Variants in TMEM266 observed in about 807,000 individuals in gnomAD.
TMEM266 encodes transmembrane protein 266.
A neutral mutation model predicts 50.5 loss-of-function variants in TMEM266; 33 were observed. The observed-to-expected ratio is 0.65, with a 90% CI of 0.50 to 0.87. TMEM266 has a LOEUF of 0.87. Ranked by LOEUF, TMEM266 falls within the 40% of genes least tolerant of loss-of-function variation. The pLI is 0.00. For synonymous variants in TMEM266, 310 were observed against 292.3 expected (o/e 1.06, Z -0.62); for missense variants, 655 against 695.1 (o/e 0.94, Z 0.65).
intron 1 of TMEM266, among the ~76,000 whole-genome samples, chr15:76,078,252 T>G (rs112439479): frequency 1.3e-5 from 2 of 152,046 alleles, no homozygotes. Context: ...GCCTCTTTGC[T>G]TTGATTCCAT....
intron 1 of TMEM266, among the ~76,000 whole-genome samples, chr15:76,078,897 G>A (rs974973059): frequency 1.3e-5 from 2 of 152,234 alleles, no homozygotes; most frequent in African/African-American, 2.4e-5. Context: ...AGGCTCTGGG[G>A]GAAAATTCTT....
chr15:76,151,121 C>A (rs975629788), intron 3 of TMEM266, among the ~76,000 whole-genome samples: 1 of 152,188 alleles, frequency 6.6e-6, no homozygotes, highest in East Asian at 1.9e-4. Flanking sequence ...CATTGGGAAA[C>A]GCCTGCCCTC....
intron 1 of TMEM266, among the ~76,000 whole-genome samples, chr15:76,090,346 G>T (rs1198837494): frequency 2.6e-5 from 4 of 151,888 alleles, no homozygotes; most frequent in Non-Finnish European, 4.4e-5. Flanking sequence ...ACAAAAATTA[G>T]CCAGGCATGG....
chr15:76,092,058 T>C (rs1389796597), intron 1 of TMEM266, among the ~76,000 whole-genome samples: 3 of 151,946 alleles, frequency 2.0e-5, no homozygotes, highest in Non-Finnish European at 4.4e-5. Flanking sequence ...TGAAGCAGGC[T>C]AAAATATAGT....
Position 76,160,301 on chromosome 15 carries a change from A to C in TMEM266, c.456+133A>C, listed in dbSNP as rs2142050625. The stretch of plus-strand genomic sequence containing the variant: ...CCCTTGAGGCTGCTGGGAGGGAGAC[A>C]CAATATAGATAGATGATCTCTGCGG... On this transcript the variant is annotated intron_variant, in intron 5 of 10. Transcript: ENST00000388942. The surrounding 1 kb of genome is among the most constrained non-coding windows in gnomAD (Gnocchi z 5.7). The C allele has an allele frequency of 1.1e-6, 1 of 914,358 alleles. No homozygotes were observed. The highest frequency in any genetic ancestry group is 2.2e-4 in the Middle Eastern group (1 of 4,482). The allele number at this position is 914,358 out of a possible 1,614,324, so 56.6% of individuals were successfully genotyped here.
intron 5 of TMEM266, among the ~76,000 whole-genome samples, chr15:76,162,652 G>A (rs2038036327): frequency 6.6e-6 from 1 of 152,198 alleles, no homozygotes; most frequent in Non-Finnish European, 1.5e-5. Context: ...CTGGACCTAG[G>A]GCTCTGGGCA....
intron 1 of TMEM266, among the ~76,000 whole-genome samples, chr15:76,124,791 T>C (rs1244434674): frequency 6.6e-6 from 1 of 151,716 alleles, no homozygotes; most frequent in Non-Finnish European, 1.5e-5. Context: ...GGAGTGAGAC[T>C]CTCTCTAAAC....
chr15:76,064,694 T>G (rs538094252), intron 1 of TMEM266, among the ~76,000 whole-genome samples: 1 of 152,336 alleles, frequency 6.6e-6, no homozygotes, highest in South Asian at 2.1e-4. Context: ...TAGAAACTAC[T>G]TAGTAGCTAG....
chr15:76,060,472 C>T (rs1340097562), intron 1 of TMEM266, among the ~76,000 whole-genome samples: 1 of 152,094 alleles, frequency 6.6e-6, no homozygotes, highest in Admixed American at 6.5e-5. Context: ...GGATTTGTGG[C>T]TTGGTTGGTC....
At position 76,149,664 on chromosome 15, in the gene TMEM266, G is replaced by C. The variant is rs184959327; in HGVS notation, c.228-6940G>C. On this transcript the variant is annotated intron_variant, in intron 3 of 10. Coordinates refer to ENST00000388942, the MANE Select transcript of TMEM266 (RefSeq NM_152335.3). The stretch of plus-strand genomic sequence containing the variant: ...GATTGCACTCAGAGTTCAGTCAGTG[G>C]TACAACTGTGATTTGGAGACAGTAG... 3.9e-5 allele frequency among the ~76,000 whole-genome samples: 6 copies of C among 152,316 alleles called. No homozygotes were observed. In the East Asian group the frequency reaches 7.7e-4, roughly 20 times the overall value.
intron 1 of TMEM266, among the ~76,000 whole-genome samples, chr15:76,125,904 A>G (rs2037415955): frequency 6.6e-6 from 1 of 151,882 alleles, no homozygotes; most frequent in African/African-American, 2.4e-5. Context: ...TCCTGAATAA[A>G]CATTTCTCCA....
At chr15:76,189,142 T>C (rs1223157980) in intron 8 of TMEM266, among the ~76,000 whole-genome samples, 1 of 152,048 alleles carries the variant, frequency 6.6e-6, no homozygotes, top group African/African-American at 2.4e-5. Flanking sequence ...CAGTGAGCTA[T>C]GATCATGCCA....
At chr15:76,107,371 C>T (rs781459892) in intron 1 of TMEM266, among the ~76,000 whole-genome samples, 1 of 152,174 alleles carries the variant, frequency 6.6e-6, no homozygotes, top group Non-Finnish European at 1.5e-5. Context: ...CAGAGTATGT[C>T]GCTCACACAG....
At chr15:76,155,000 C>T (rs1392039852) in intron 3 of TMEM266, among the ~76,000 whole-genome samples, 6 of 152,242 alleles carry the variant, frequency 3.9e-5, no homozygotes, top group South Asian at 4.1e-4. Context: ...TTATCATCAT[C>T]GTCGTCATCA....
At chr15:76,143,381 T>C (rs539337980) in intron 3 of TMEM266, among the ~76,000 whole-genome samples, 1 of 152,230 alleles carries the variant, frequency 6.6e-6, no homozygotes, top group Non-Finnish European at 1.5e-5. Flanking sequence ...CCATGGAAAC[T>C]GTTCTCAAGC....
chr15:76,074,546 T>A (rs947621259), intron 1 of TMEM266, among the ~76,000 whole-genome samples: 1 of 152,094 alleles, frequency 6.6e-6, no homozygotes, highest in Non-Finnish European at 1.5e-5. Flanking sequence ...GTCTTTGCTG[T>A]GGACATCAAA....
rs149643336 is a variant in TMEM266, at chr15:76,130,083, G to A, written c.-96-4085G>A. 2.6e-3 allele frequency among the ~76,000 whole-genome samples: 388 copies of A among 151,492 alleles called. 1 individual carries two copies. The highest frequency in any genetic ancestry group is 9.0e-3 in the African/African-American group (370 of 41,198). On this transcript the variant is annotated intron_variant, in intron 1 of 10. Transcript: ENST00000388942. ...TACAAAAAATACAAAAGGTAGCCGG[G>A]TGTGGTGGCTTGTGCTTTTCAGCTA...
intron 8 of TMEM266, among the ~76,000 whole-genome samples, chr15:76,180,760 C>T (rs1187449696): frequency 1.3e-5 from 2 of 151,726 alleles, no homozygotes; most frequent in East Asian, 3.9e-4. Flanking sequence ...ATTACAGGCA[C>T]CTGCCACCAT....
intron 8 of TMEM266, among the ~76,000 whole-genome samples, chr15:76,189,679 C>T (rs1021729064): frequency 6.6e-6 from 1 of 152,128 alleles, no homozygotes; most frequent in African/African-American, 2.4e-5. Flanking sequence ...GACACCCTCC[C>T]AAATCCTGCA....
Sources: gnomAD v4.1 joint callset for allele counts (sites outside exome capture counted in the v4.1 genomes callset) on GRCh38, gnomAD v4.1.1 for gene constraint, Gnocchi (gnomAD v3.1) non-coding constraint, MANE v1.5 for transcripts, NCBI Gene and HGNC (gene_info 2026-07-23, HGNC 2026-07-21) for gene names.